MED12L: variants seen among roughly 807,000 people sequenced by gnomAD.
MED12L encodes the protein mediator complex subunit 12L.
In MED12L, 60 loss-of-function variants were observed where a neutral mutation model predicts 281.3. The observed-to-expected ratio is 0.21, with a 90% CI of 0.17 to 0.26. The LOEUF (loss-of-function observed/expected upper bound fraction) is 0.26. Ranked by LOEUF, MED12L falls within the 10% of genes least tolerant of loss-of-function variation. The pLI is 1.00. For synonymous variants in MED12L, 974 were observed against 987.2 expected (o/e 0.99, Z 0.25); for missense variants, 2,146 against 2,680.9 (o/e 0.80, Z 4.41).
chr3:151,182,488 G>A (rs997800996), intron 11 of MED12L, among the ~76,000 whole-genome samples: 5 of 152,166 alleles, frequency 3.3e-5, no homozygotes, highest in African/African-American at 1.2e-4. Context: ...GTTTGCAAGG[G>A]TGGCCAGGGA....
At chr3:151,157,345 T>C (rs1719420514) in intron 6 of MED12L, among the ~76,000 whole-genome samples, 1 of 152,246 alleles carries the variant, frequency 6.6e-6, no homozygotes, top group Admixed American at 6.5e-5. Context: ...TATTCTGAAA[T>C]GTGAAACACA....
At chr3:151,340,076 G>A (rs1751618072) in intron 16 of MED12L, among the ~76,000 whole-genome samples, 2 of 152,090 alleles carry the variant, frequency 1.3e-5, no homozygotes, top group African/African-American at 2.4e-5. Context: ...GAATCATGTT[G>A]TCACAGTATG....
chr3:151,196,061 T>G (rs1031917777), intron 16 of MED12L, among the ~76,000 whole-genome samples: 2 of 152,222 alleles, frequency 1.3e-5, no homozygotes, highest in Admixed American at 1.3e-4. Flanking sequence ...ACACTAAGCC[T>G]CAGCTTCTTT....
At chr3:151,331,219 G>A (rs1401641115) in intron 16 of MED12L, among the ~76,000 whole-genome samples, 1 of 152,142 alleles carries the variant, frequency 6.6e-6, no homozygotes, top group Non-Finnish European at 1.5e-5. Flanking sequence ...ATTTCTATGT[G>A]TTTGTGCTTC....
At chr3:151,170,073 T>A (rs114319960) in intron 11 of MED12L, among the ~76,000 whole-genome samples, 1 of 152,280 alleles carries the variant, frequency 6.6e-6, no homozygotes, top group African/African-American at 2.4e-5. Flanking sequence ...GTGTGTGTAA[T>A]CAGTTTCAGT....
At chr3:151,374,462 C>T (rs1425468740) in intron 27 of MED12L, among the ~76,000 whole-genome samples, 1 of 152,082 alleles carries the variant, frequency 6.6e-6, no homozygotes, top group African/African-American at 2.4e-5. Context: ...GCATGAGAAT[C>T]GCTTGAAACT....
At position 151,294,639 on chromosome 3, in the gene MED12L, A is replaced by G. The variant is rs199981842; in HGVS notation, c.2251-55420A>G. The G allele has an allele frequency of 5.2e-5, 84 of 1,614,082 alleles. No individual in the cohort carries two copies. The highest frequency in any genetic ancestry group is 1.7e-5 in the Admixed American group (1 of 60,004). ...TTCACATAGGTGACTGCCGTATGCC[A>G]TTTGACCCCCAAAGGACTTTTAAGT... On this transcript the variant is annotated intron_variant, in intron 16 of 44. Coordinates refer to ENST00000687756, the MANE Select transcript of MED12L (RefSeq NM_001393769.1).
At position 151,411,322 on chromosome 3, in the gene MED12L, G is replaced by T. The variant is rs780907082; in HGVS notation, c.5955G>T (p.Leu1985Phe). The change falls in exon 41 of 45, where the codon TTG (leucine) becomes TTT (phenylalanine). Residue 1985 changes from leucine (L) to phenylalanine (F), a missense_variant. Transcript: ENST00000687756. The part of the protein sequence containing the change: ...GYTMYGTQMP[L>F]QQTSQQQAGS... The stretch of plus-strand genomic sequence containing the variant: ...CAATGTATGGGACACAGATGCCTTT[G>T]CAGCAGACATCGCAGCAGCAGGCTG... 6.2e-7 allele frequency: 1 copy of T among 1,614,094 alleles called. No individual in the cohort carries two copies. Among genetic ancestry groups the T allele is most frequent in the Admixed American group, 1.7e-5 (1 of 60,008 alleles).
rs568293558 is a variant in MED12L, at chr3:151,230,807, A to AC, written c.2250+37147dup. Among the ~76,000 whole-genome samples the AC allele has an allele frequency of 2.7e-3, 416 of 151,948 alleles. 1 individual carries two copies. The highest frequency in any genetic ancestry group is 9.4e-3 in the African/African-American group (390 of 41,424). ...GCCATTTTTAAATAACAAAAGTGAA[A>AC]CCCCCCTGCCAATGCAGAAGTAGTG... is the stretch of plus-strand genomic sequence containing the variant. On this transcript the variant is annotated intron_variant, in intron 16 of 44. Transcript: ENST00000687756.
intron 33 of MED12L, among the ~76,000 whole-genome samples, chr3:151,383,021 G>A (rs1712678547): frequency 1.3e-5 from 2 of 152,128 alleles, no homozygotes; most frequent in Non-Finnish European, 2.9e-5. Flanking sequence ...TTCAGTTTGT[G>A]CTAAGAATAA....
chr3:151,248,044 A>G (rs1296272372), intron 16 of MED12L, among the ~76,000 whole-genome samples: 3 of 134,184 alleles, frequency 2.2e-5, no homozygotes, highest in Non-Finnish European at 3.1e-5. Context: ...TAAATTATCT[A>G]TTAGTCTAGA....
intron 2 of MED12L, among the ~76,000 whole-genome samples, chr3:151,100,732 T>A (rs1308375205): frequency 6.6e-6 from 1 of 152,244 alleles, no homozygotes; most frequent in Non-Finnish European, 1.5e-5. Flanking sequence ...AGATTCTTTA[T>A]GAATTGGAGA....
intron 16 of MED12L, chr3:151,198,555 G>T (rs759157815): frequency 5.1e-5 from 82 of 1,613,966 alleles, no homozygotes; most frequent in Non-Finnish European, 6.9e-5. Flanking sequence ...TCAAAGCACA[G>T]GTTCGACACA....
intron 11 of MED12L, among the ~76,000 whole-genome samples, chr3:151,174,305 G>A (rs994848061): frequency 6.6e-6 from 1 of 152,136 alleles, no homozygotes; most frequent in South Asian, 2.1e-4. Context: ...GCCCCTGTAT[G>A]ACTTTCTGTT....
At chr3:151,182,828 G>A (rs1038867681) in intron 11 of MED12L, among the ~76,000 whole-genome samples, 3 of 152,152 alleles carry the variant, frequency 2.0e-5, no homozygotes, top group Non-Finnish European at 4.4e-5. Flanking sequence ...GGAGCGGATG[G>A]GTTTTAGTAG....
intron 21 of MED12L, 88 bp downstream of exon 21, chr3:151,360,693 T>C: frequency 2.4e-6 from 3 of 1,236,832 alleles, no homozygotes; most frequent in Non-Finnish European, 3.4e-6. Flanking sequence ...TTTTGAATAA[T>C]GAAAGCTAAT....
At chr3:151,139,708 G>T (rs1716656663) in intron 5 of MED12L, among the ~76,000 whole-genome samples, 1 of 152,184 alleles carries the variant, frequency 6.6e-6, no homozygotes, top group South Asian at 2.1e-4. Context: ...TAGGAAGCCA[G>T]TGGGTAATGC....
intron 21 of MED12L, among the ~76,000 whole-genome samples, chr3:151,361,117 T>G (rs1162781223): frequency 6.6e-6 from 1 of 152,136 alleles, no homozygotes; most frequent in African/African-American, 2.4e-5. Context: ...TTACTTGGAT[T>G]AGCTTTAATA....
intron 2 of MED12L, among the ~76,000 whole-genome samples, chr3:151,089,904 C>A (rs557518825): frequency 2.0e-5 from 3 of 152,204 alleles, no homozygotes; most frequent in African/African-American, 7.2e-5. Flanking sequence ...CATCCATCAG[C>A]GTCTCTACAT....
Sources: gnomAD v4.1 joint callset for allele counts (sites outside exome capture counted in the v4.1 genomes callset) on GRCh38, gnomAD v4.1.1 for gene constraint, MANE v1.5 for transcripts, NCBI Gene and HGNC (gene_info 2026-07-23, HGNC 2026-07-21) for gene names.